TUBD1: variants seen among roughly 807,000 people sequenced by gnomAD.
The protein encoded by TUBD1 is tubulin delta chain.
TUBD1 carries 38 observed loss-of-function variants against 51.2 expected under a neutral mutation model. That is an observed-to-expected ratio of 0.74 (90% CI 0.57 to 0.97). The LOEUF (loss-of-function observed/expected upper bound fraction) is 0.97, where lower values mean the gene tolerates loss of function less well. TUBD1 is among the 50% of genes least tolerant of loss of function. The probability of loss-of-function intolerance (pLI) is 0.00; values close to 1 mark genes in which losing one functional copy is unlikely to be tolerated. For synonymous variants in TUBD1, 169 were observed against 178.2 expected (o/e 0.95, Z 0.41); for missense variants, 489 against 538.4 (o/e 0.91, Z 0.91).
intron 4 of TUBD1, 75 bp from the exon 5 acceptor site, chr17:59,878,409 T>C (rs1260082564): frequency 3.7e-6 from 4 of 1,091,856 alleles, no homozygotes; most frequent in Non-Finnish European, 5.5e-6. Flanking sequence ...CAAGGCATCC[T>C]GGCAGGGTTC....
intron 2 of TUBD1, 135 bp downstream of exon 2, chr17:59,890,694 CAT>C (rs1174602802): frequency 2.1e-4 from 147 of 714,610 alleles, no homozygotes; most frequent in Non-Finnish European, 3.1e-4. Context: ...AGATTATTAA[CAT>C]AGAAATGAAA....
intron 5 of TUBD1, 27 bp from the exon 6 acceptor site, chr17:59,874,730 AT>A (rs751292276): frequency 2.2e-4 from 349 of 1,569,980 alleles, no homozygotes; most frequent in Admixed American, 3.7e-4. Context: ...ATCTGAACTA[AT>A]TTTTTTTTAT....
chr17:59,891,167 G>A, intron 1 of TUBD1, 126 bp from the exon 2 acceptor site: 1 of 563,236 alleles, frequency 1.8e-6, no homozygotes, highest in Middle Eastern at 4.8e-4. Flanking sequence ...GTCTTGTTCT[G>A]TCACCCAGGC....
At chr17:59,885,461 T>C in intron 3 of TUBD1, 8 of 1,560,674 alleles carry the variant, frequency 5.1e-6, no homozygotes, top group Non-Finnish European at 7.1e-6. Context: ...TACCAGCCCG[T>C]GGGACCAAAG....
At chr17:59,880,515 A>T (rs2040434338) in intron 4 of TUBD1, among the ~76,000 whole-genome samples, 1 of 151,734 alleles carries the variant, frequency 6.6e-6, no homozygotes, top group Admixed American at 6.6e-5. Context: ...CTTTATTTTT[A>T]TTTATTTATT....
intron 8 of TUBD1, 30 bp downstream of exon 8, chr17:59,863,630 AAAAG>A (rs779757919): frequency 2.1e-6 from 3 of 1,454,752 alleles, no homozygotes; most frequent in Non-Finnish European, 2.7e-6. Flanking sequence ...AAAAAAAAAA[AAAAG>A]AAAGGTTTGT....
intron 8 of TUBD1, among the ~76,000 whole-genome samples, chr17:59,861,195 A>AAT (rs547935611): frequency 1.8e-4 from 26 of 141,958 alleles, no homozygotes; most frequent in Middle Eastern, 3.6e-3. Flanking sequence ...ACCCCACAAA[A>AAT]TTTTTTTTTT....
At chr17:59,879,349 A>T (rs555194340) in intron 4 of TUBD1, among the ~76,000 whole-genome samples, 3 of 152,230 alleles carry the variant, frequency 2.0e-5, no homozygotes, top group Non-Finnish European at 4.4e-5. Flanking sequence ...TGGCACCATG[A>T]ATCCCAACAT....
At chr17:59,886,365 T>C in intron 2 of TUBD1, 135 bp from the exon 3 acceptor site, 1 of 896,194 alleles carries the variant, frequency 1.1e-6, no homozygotes, top group East Asian at 2.7e-5. Context: ...TAGAAAGATC[T>C]GTCGTACTGC....
At chr17:59,878,647 T>C in intron 4 of TUBD1, 1 of 243,510 alleles carries the variant, frequency 4.1e-6, no homozygotes, top group South Asian at 5.6e-5. Flanking sequence ...GCCCAGCTAA[T>C]TTTTGTGTTT....
chr17:59,892,570 G>A (rs1164379267), intron 1 of TUBD1, 127 bp downstream of exon 1: 2 of 152,632 alleles, frequency 1.3e-5, no homozygotes, highest in Non-Finnish European at 1.5e-5. Flanking sequence ...TCATTTTACA[G>A]ATAAGGAAAC....
At chr17:59,879,518 C>T (rs1438066263) in intron 4 of TUBD1, among the ~76,000 whole-genome samples, 1 of 152,018 alleles carries the variant, frequency 6.6e-6, no homozygotes, top group Admixed American at 6.6e-5. Flanking sequence ...TCAATGCAAC[C>T]TCTGCTTCAC....
At position 59,863,709 on chromosome 17, in the gene TUBD1, G is replaced by A; in HGVS notation, c.1214C>T (p.Pro405Leu). Residue 405 changes from proline (P) to leucine (L), a missense_variant, in exon 8 of 9, where the codon CCA becomes CTA. Physicochemically the swap from Pro to Leu is moderately conservative, Grantham distance 98. Coordinates refer to ENST00000325752, the MANE Select transcript of TUBD1 (RefSeq NM_016261.4). ...TGCCTTCCCAACAATCATATCAAGT[G>A]GTTTTACTAAGAACTGGCTGTTGCT... ...LVSNSQFLVK[P>L]LDMIVGKAWN... 1 of 1,601,636 alleles carries A rather than the reference G, an allele frequency of 6.2e-7. No individual in the cohort carries two copies. The highest frequency in any genetic ancestry group is 1.1e-5 in the South Asian group (1 of 88,234).
intron 6 of TUBD1, among the ~76,000 whole-genome samples, chr17:59,872,095 A>G (rs2040007286): frequency 6.6e-6 from 1 of 152,040 alleles, no homozygotes; most frequent in Non-Finnish European, 1.5e-5. Context: ...CTGGGATTAC[A>G]AGTGTGTGCC....
intron 2 of TUBD1, among the ~76,000 whole-genome samples, chr17:59,887,785 A>G (rs1324820640): frequency 1.3e-5 from 2 of 151,594 alleles, no homozygotes; most frequent in Non-Finnish European, 1.5e-5. Flanking sequence ...GTGCCATTAC[A>G]CCTAACTAAT....
At chr17:59,875,708 C>T (rs975618915) in intron 5 of TUBD1, among the ~76,000 whole-genome samples, 7 of 150,202 alleles carry the variant, frequency 4.7e-5, no homozygotes, top group South Asian at 2.1e-4. Context: ...TGCAGTGCAT[C>T]GCACTCCAGC....
intron 3 of TUBD1, among the ~76,000 whole-genome samples, 192 bp downstream of exon 3, chr17:59,885,891 C>T (rs574920720): frequency 6.6e-6 from 1 of 152,288 alleles, no homozygotes; most frequent in South Asian, 2.1e-4. Flanking sequence ...TTCATTTCAA[C>T]ATTACCTGTA....
chr17:59,863,241 C>A (rs1229872029), intron 8 of TUBD1, among the ~76,000 whole-genome samples: 1 of 152,156 alleles, frequency 6.6e-6, no homozygotes, highest in African/African-American at 2.4e-5. Flanking sequence ...GGCTTCATAC[C>A]TTCACACCTA....
chr17:59,886,310 A>T, intron 2 of TUBD1, 80 bp from the exon 3 acceptor site: 1 of 1,351,422 alleles, frequency 7.4e-7, no homozygotes, highest in Non-Finnish European at 9.9e-7. Context: ...AGAGCATCTA[A>T]GTGTCCAAAT....
Sources: gnomAD v4.1 joint callset for allele counts (sites outside exome capture counted in the v4.1 genomes callset) on GRCh38, gnomAD v4.1.1 for gene constraint, MANE v1.5 for transcripts, NCBI Gene and HGNC (gene_info 2026-07-23, HGNC 2026-07-21) for gene names.